IPO7: variants seen among roughly 807,000 people sequenced by gnomAD.
IPO7 encodes importin-7.
In IPO7, 13 loss-of-function variants were observed where a neutral mutation model predicts 136.4. The observed-to-expected ratio is 0.10, with a 90% CI of 0.06 to 0.15. The LOEUF is 0.15. IPO7 is among the 10% of genes least tolerant of loss of function. The probability of loss-of-function intolerance (pLI) is 1.00; values close to 1 mark genes in which losing one functional copy is unlikely to be tolerated. For synonymous variants in IPO7, 403 were observed against 404.4 expected (o/e 1.00, Z 0.04); for missense variants, 857 against 1,240.6 (o/e 0.69, Z 4.65).
At chr11:9,428,865 G>A (rs774052014) in intron 13 of IPO7, 166 bp from the exon 14 acceptor site, 16 of 797,348 alleles carry the variant, frequency 2.0e-5, no homozygotes, top group African/African-American at 1.0e-4. Flanking sequence ...AACATCATGC[G>A]GCCAAAGAGT....
At chr11:9,433,914 G>A (rs1162396518) in intron 18 of IPO7, 68 bp downstream of exon 18, 1 of 1,330,718 alleles carries the variant, frequency 7.5e-7, no homozygotes, top group Non-Finnish European at 1.0e-6. Flanking sequence ...CTTATCATTT[G>A]AACATACACT....
Position 9,447,623 on chromosome 11 carries a change from C to G in IPO7, c.*2429C>G, listed in dbSNP as rs771583053. On this transcript the variant is annotated 3_prime_UTR_variant, in exon 25 of 25. Transcript: ENST00000379719. ...TTTTTTCTTTTTACATACAGCTTTTCCTACAGTTTTATTACCCTGTAATTT... is the reference window on the plus strand; with the variant it reads ...TTTTTTCTTTTTACATACAGCTTTTGCTACAGTTTTATTACCCTGTAATTT... 1 of 152,002 alleles carries G rather than the reference C, an allele frequency of 6.6e-6. No homozygotes were observed. The highest frequency in any genetic ancestry group is 2.1e-4 in the South Asian group (1 of 4,824). 9.4% of individuals were successfully genotyped at this position (152,002 alleles called of 1,614,324 possible). A position where few individuals can be genotyped will look rare whatever the true frequency, so the allele number is the denominator to read the frequency against.
intron 1 of IPO7, among the ~76,000 whole-genome samples, chr11:9,391,694 T>C (rs1854635501): frequency 6.6e-6 from 1 of 152,114 alleles, no homozygotes; most frequent in Non-Finnish European, 1.5e-5. Flanking sequence ...ACAGCAAGAC[T>C]CCATCTTAAA....
chr11:9,387,295 A>C (rs758715866), intron 1 of IPO7, among the ~76,000 whole-genome samples: 23 of 152,214 alleles, frequency 1.5e-4, no homozygotes, highest in Non-Finnish European at 3.1e-4. Flanking sequence ...ATGTTATTAA[A>C]GTGTTTATAG....
At position 9,403,292 on chromosome 11, in the gene IPO7, A is replaced by G. The variant is rs776976370; in HGVS notation, c.87A>G (p.Ala29=). The stretch of plus-strand genomic sequence containing the variant: ...AAATGGACTTTTTTTCTTTGTAGGC[A>G]CACAAGTCTCTGAATTTTGTCTCAA... ...REAAERQLNE[A]HKSLNFVSTL... The change falls in exon 2 of 25, where the codon GCA becomes GCG. Residue 29 remains alanine (A), a splice_region_variant and synonymous_variant. Coordinates refer to ENST00000379719, the MANE Select transcript of IPO7 (RefSeq NM_006391.3). 1.2e-6 allele frequency: 2 copies of G among 1,610,800 alleles called. No individual in the cohort carries two copies. Among genetic ancestry groups the G allele is most frequent in the South Asian group, 1.1e-5 (1 of 90,800 alleles).
chr11:9,443,453 G>A (rs1343835018), intron 24 of IPO7, among the ~76,000 whole-genome samples: 4 of 150,786 alleles, frequency 2.7e-5, no homozygotes, highest in Middle Eastern at 3.2e-3. Context: ...TTAGCCAGGC[G>A]TGGTAGGCAT....
At chr11:9,437,710 C>A in intron 20 of IPO7, 44 bp from the exon 21 acceptor site, 1 of 1,349,632 alleles carries the variant, frequency 7.4e-7, no homozygotes, top group Non-Finnish European at 1.0e-6. Flanking sequence ...TGTTTGCATG[C>A]TATTAATTAT....
chr11:9,436,064 A>C (rs1855364190), intron 19 of IPO7, among the ~76,000 whole-genome samples: 1 of 152,200 alleles, frequency 6.6e-6, no homozygotes, highest in Non-Finnish European at 1.5e-5. Flanking sequence ...ACTATGAAAG[A>C]TAGGAGGCAG....
Position 9,446,819 on chromosome 11 carries a change from T to C in IPO7, c.*1625T>C, listed in dbSNP as rs561462256. 4 of 152,356 alleles carry C rather than the reference T, an allele frequency of 2.6e-5. No homozygotes were observed. The highest frequency in any genetic ancestry group is 4.1e-4 in the South Asian group (2 of 4,834). The allele number at this position is 152,356 out of a possible 1,614,324, so 9.4% of individuals were successfully genotyped here. On this transcript the variant is annotated 3_prime_UTR_variant, in exon 25 of 25. Transcript: ENST00000379719. ...CTACTGTTGGCACTGTTTGGTTTTCTATTTTAACACTGAAGGAGTGAAAGT... is the reference window on the plus strand; with the variant it reads ...CTACTGTTGGCACTGTTTGGTTTTCCATTTTAACACTGAAGGAGTGAAAGT...
intron 19 of IPO7, among the ~76,000 whole-genome samples, chr11:9,435,881 G>T (rs1855362234): frequency 6.6e-6 from 1 of 152,128 alleles, no homozygotes; most frequent in Non-Finnish European, 1.5e-5. Flanking sequence ...AGAGAAAAGG[G>T]TTTCCTAGAA....
At chr11:9,432,816 C>G (rs1855315036) in intron 16 of IPO7, among the ~76,000 whole-genome samples, 2 of 151,960 alleles carry the variant, frequency 1.3e-5, no homozygotes, top group South Asian at 4.2e-4. Flanking sequence ...TTCCATGGTT[C>G]ACTATATCTA....
chr11:9,432,756 T>A (rs535137959), intron 16 of IPO7, among the ~76,000 whole-genome samples: 1 of 152,188 alleles, frequency 6.6e-6, no homozygotes, highest in Admixed American at 6.5e-5. Context: ...TAGACAATTA[T>A]AGAGGAATTT....
intron 24 of IPO7, among the ~76,000 whole-genome samples, chr11:9,442,688 C>T (rs1855475388): frequency 6.6e-6 from 1 of 151,844 alleles, no homozygotes; most frequent in Non-Finnish European, 1.5e-5. Flanking sequence ...GCTGAGATTA[C>T]AGGCGTGAGC....
intron 24 of IPO7, among the ~76,000 whole-genome samples, chr11:9,443,622 G>A (rs1306379097): frequency 6.8e-6 from 1 of 146,184 alleles, no homozygotes; most frequent in African/African-American, 2.5e-5. Context: ...TAAACACTTG[G>A]CCAGGCGTGG....
At chr11:9,402,412 A>G (rs1854812435) in intron 1 of IPO7, among the ~76,000 whole-genome samples, 1 of 148,924 alleles carries the variant, frequency 6.7e-6, no homozygotes, top group Admixed American at 6.7e-5. Context: ...AAAAAAAAAA[A>G]AAAAAAAAAA....
intron 1 of IPO7, among the ~76,000 whole-genome samples, chr11:9,393,048 T>A (rs1293277648): frequency 6.6e-6 from 1 of 151,926 alleles, no homozygotes; most frequent in Non-Finnish European, 1.5e-5. Context: ...GGAAAACTGA[T>A]TTTGAAGACA....
chr11:9,398,980 C>T (rs1180123520), intron 1 of IPO7, among the ~76,000 whole-genome samples: 1 of 152,070 alleles, frequency 6.6e-6, no homozygotes, highest in African/African-American at 2.4e-5. Flanking sequence ...AAGATGTCTT[C>T]ATGTAGGACC....
intron 9 of IPO7, among the ~76,000 whole-genome samples, 176 bp from the exon 10 acceptor site, chr11:9,423,601 A>G (rs1855164161): frequency 1.3e-5 from 2 of 152,322 alleles, no homozygotes; most frequent in South Asian, 2.1e-4. Flanking sequence ...TGTTACAGAA[A>G]GGGGAAGTAC....
At chr11:9,418,776 C>T (rs567529869) in intron 6 of IPO7, among the ~76,000 whole-genome samples, 14 of 152,252 alleles carry the variant, frequency 9.2e-5, no homozygotes, top group South Asian at 2.1e-4. Context: ...CCCATGTAGC[C>T]ATCACCTCAG....
Sources: gnomAD v4.1 joint callset for allele counts (sites outside exome capture counted in the v4.1 genomes callset) on GRCh38, gnomAD v4.1.1 for gene constraint, MANE v1.5 for transcripts, NCBI Gene and HGNC (gene_info 2026-07-23, HGNC 2026-07-21) for gene names.